Variants in GSG1 observed in about 807,000 individuals in gnomAD.
The protein encoded by GSG1 is germ cell associated 1.
Under a neutral mutation model 30.8 loss-of-function variants are expected in GSG1, and 28 were observed. The ratio of observed to expected loss-of-function variants is 0.91; its 90% CI spans 0.67 to 1.25. GSG1 has a LOEUF of 1.25. Among genes scored for constraint, GSG1 ranks in the 50% most tolerant of loss-of-function variants. The probability of loss-of-function intolerance (pLI) is 0.00; values close to 1 mark genes in which losing one functional copy is unlikely to be tolerated. For missense variants in GSG1, 435 were observed against 444.7 expected (o/e 0.98, Z 0.20); for synonymous variants, 162 against 178.0 (o/e 0.91, Z 0.71).
Position 13,089,287 on chromosome 12 carries a change from C to T in GSG1, c.365-11G>A. 1.3e-6 allele frequency: 2 copies of T among 1,551,912 alleles called. No homozygotes were observed. The highest frequency in any genetic ancestry group is 8.7e-7 in the Non-Finnish European group (1 of 1,146,944). Reference sequence around the variant, plus strand: ...GGGGATGGAGCAGTGCTAAGTGGCACAATAATAAATATAAATGTAAATACA... The same window carrying T: ...GGGGATGGAGCAGTGCTAAGTGGCATAATAATAAATATAAATGTAAATACA... On this transcript the variant is annotated splice_polypyrimidine_tract_variant and intron_variant, in intron 2 of 6. Coordinates refer to ENST00000651961, the MANE Select transcript of GSG1 (RefSeq NM_001080555.4).
rs1174831003 is a variant in GSG1, at chr12:13,090,813, C to T, written c.54G>A (p.Glu18=). Residue 18 remains glutamate (E), a synonymous_variant, in exon 2 of 7, where the codon GAG becomes GAA. Coordinates refer to ENST00000651961, the MANE Select transcript of GSG1 (RefSeq NM_001080555.4). ...GCTGGCCAGAGAAGGCCTTCGAGAGCTCCATCTGTAATAGACAAGCACAAG... is the reference window on the plus strand; with the variant it reads ...GCTGGCCAGAGAAGGCCTTCGAGAGTTCCATCTGTAATAGACAAGCACAAG... The part of the protein sequence containing the change: ...TQNVCLTQEM[E]LSKAFSGQRT... 1.2e-6 allele frequency: 2 copies of T among 1,608,546 alleles called. No homozygotes were observed. The highest frequency in any genetic ancestry group is 8.5e-7 in the Non-Finnish European group (1 of 1,176,786).
intron 4 of GSG1, among the ~76,000 whole-genome samples, chr12:13,088,402 G>A (rs1031407120): frequency 1.3e-5 from 2 of 152,058 alleles, no homozygotes; most frequent in African/African-American, 4.8e-5. Context: ...ATTTTGGGGT[G>A]GTTCCCTCCC....
chr12:13,087,368 T>C (rs1022670585), intron 5 of GSG1, 105 bp from the exon 6 acceptor site: 5 of 788,872 alleles, frequency 6.3e-6, no homozygotes, highest in Non-Finnish European at 1.1e-5. Context: ...GCAGCCTCTG[T>C]TGGAGTAGCC....
At chr12:13,102,176 A>T (rs1355821327) in intron 1 of GSG1, among the ~76,000 whole-genome samples, 2 of 152,170 alleles carry the variant, frequency 1.3e-5, no homozygotes, top group African/African-American at 4.8e-5. Context: ...CAAAGCTAGT[A>T]AATGGTAAAG....
At chr12:13,094,303 A>G (rs1351734991) in intron 1 of GSG1, among the ~76,000 whole-genome samples, 4 of 152,260 alleles carry the variant, frequency 2.6e-5, no homozygotes, top group Non-Finnish European at 5.9e-5. Flanking sequence ...GAAATACACA[A>G]AGATCATATG....
chr12:13,088,920 C>G lies in GSG1; in HGVS notation c.434-11G>C. 1.2e-6 allele frequency: 2 copies of G among 1,613,994 alleles called. No homozygotes were observed. Among genetic ancestry groups the G allele is most frequent in the Non-Finnish European group, 1.7e-6 (2 of 1,179,914 alleles). ...TTCGGCACCTCTCCCCTGAAACATACAAGGTACAACGTCATGGAGCTACTC... is the reference window on the plus strand; with the variant it reads ...TTCGGCACCTCTCCCCTGAAACATAGAAGGTACAACGTCATGGAGCTACTC... On this transcript the variant is annotated splice_polypyrimidine_tract_variant and intron_variant, in intron 3 of 6. Transcript: ENST00000651961.
At position 13,087,877 on chromosome 12, in the gene GSG1, C is replaced by G. The variant is rs1053359637; in HGVS notation, c.634+30G>C. On this transcript the variant is annotated intron_variant, in intron 5 of 6. Coordinates refer to ENST00000651961, the MANE Select transcript of GSG1 (RefSeq NM_001080555.4). ...GGGCTTCAAAAGTGGCCAGGGCCAA[C>G]CACCCTCTCTCACTCCAGGAGCAAC... 5 of 1,608,400 alleles carry G rather than the reference C, an allele frequency of 3.1e-6. No homozygotes were observed. In the African/African-American group the frequency reaches 6.7e-5, roughly 22 times the overall value.
chr12:13,088,159 G>A (rs1865723097), intron 4 of GSG1, 100 bp from the exon 5 acceptor site: 2 of 1,303,480 alleles, frequency 1.5e-6, no homozygotes, highest in Non-Finnish European at 2.2e-6. Flanking sequence ...GACCCTAGCA[G>A]CATCTGAGAA....
intron 2 of GSG1, among the ~76,000 whole-genome samples, chr12:13,089,816 C>T (rs897468852): frequency 3.9e-5 from 6 of 152,084 alleles, no homozygotes; most frequent in African/African-American, 1.4e-4. Context: ...TTTGGGAGGC[C>T]GAGGTGGGCA....
Position 13,086,765 on chromosome 12 carries a change from A to G in GSG1, c.746+387T>C, listed in dbSNP as rs539047069. Among the ~76,000 whole-genome samples, 5 of 152,156 alleles carry G rather than the reference A, an allele frequency of 3.3e-5. No homozygotes were observed. The East Asian group carries it at 9.6e-4, about 29-fold the overall frequency. ...GCAATTCAATCCAAATTTCAAAGCG[A>G]TTTCTCTATTTCTCTGTTCTCTAAT... On this transcript the variant is annotated intron_variant, in intron 6 of 6. Transcript: ENST00000651961.
At chr12:13,089,529 G>A (rs1865882457) in intron 2 of GSG1, among the ~76,000 whole-genome samples, 1 of 152,210 alleles carries the variant, frequency 6.6e-6, no homozygotes, top group Admixed American at 6.5e-5. Flanking sequence ...GCACCTGCCT[G>A]CTTTGCTAGT....
chr12:13,095,533 A>T (rs1591651525), intron 1 of GSG1: 2 of 1,493,126 alleles, frequency 1.3e-6, no homozygotes, highest in Middle Eastern at 1.7e-4. Context: ...TGCACTTCTT[A>T]AAAGAGCCAG....
chr12:13,091,577 G>A (rs572528019), intron 1 of GSG1, among the ~76,000 whole-genome samples: 172 of 152,282 alleles, frequency 1.1e-3, no homozygotes, highest in African/African-American at 4.0e-3. Flanking sequence ...GGTGGCGCAC[G>A]CCTGTAGTCC....
chr12:13,088,765 G>A (rs758743534), intron 4 of GSG1, 97 bp downstream of exon 4: 13 of 1,613,718 alleles, frequency 8.1e-6, no homozygotes, highest in Middle Eastern at 1.7e-4. Context: ...GGGAGGGGAG[G>A]GGAGGGAAGC....
At chr12:13,096,575 T>C (rs1866684616) in intron 1 of GSG1, among the ~76,000 whole-genome samples, 1 of 151,724 alleles carries the variant, frequency 6.6e-6, no homozygotes, top group African/African-American at 2.4e-5. Flanking sequence ...AAGATGCAGA[T>C]AGAATAGGAT....
At chr12:13,103,407 C>A in intron 1 of GSG1, 58 bp downstream of exon 1, 2 of 1,268,644 alleles carry the variant, frequency 1.6e-6, no homozygotes, top group Non-Finnish European at 2.3e-6. Flanking sequence ...TGTTACAAAT[C>A]CAGCAGTAAA....
chr12:13,091,835 T>G (rs1866177125), intron 1 of GSG1, among the ~76,000 whole-genome samples: 1 of 152,264 alleles, frequency 6.6e-6, no homozygotes, highest in African/African-American at 2.4e-5. Context: ...TTCTGAAGGT[T>G]CCCACGTCAC....
rs773508634 is a variant in GSG1, at chr12:13,085,150, A to G, written c.840T>C (p.His280=). 1.8e-5 allele frequency: 29 copies of G among 1,614,016 alleles called. No individual in the cohort carries two copies. The highest frequency in any genetic ancestry group is 2.7e-5 in the African/African-American group (2 of 74,908). The change falls in exon 7 of 7, where the codon CAT becomes CAC. Residue 280 remains histidine, a synonymous_variant. Coordinates refer to ENST00000651961, the MANE Select transcript of GSG1 (RefSeq NM_001080555.4). ...TRMVLEFKCK[H]SKSFKENPNC... ...TCGGGTTTTCCTTGAAGCTCTTACT[A>G]TGCTTGCACTTGAACTCCAGCACCA...
chr12:13,089,624 G>T (rs1353628201), intron 2 of GSG1, among the ~76,000 whole-genome samples: 1 of 152,208 alleles, frequency 6.6e-6, no homozygotes, highest in African/African-American at 2.4e-5. Flanking sequence ...TGGCTGGCTG[G>T]CTTCGGTTCC....
Sources: gnomAD v4.1 joint callset for allele counts (sites outside exome capture counted in the v4.1 genomes callset) on GRCh38, gnomAD v4.1.1 for gene constraint, MANE v1.5 for transcripts, NCBI Gene and HGNC (gene_info 2026-07-23, HGNC 2026-07-21) for gene names.